Variants in SLC35A1 observed in about 807,000 individuals in gnomAD.
The protein encoded by SLC35A1 is CMP-sialic acid transporter.
SLC35A1 carries 21 observed loss-of-function variants against 40.3 expected under a neutral mutation model. That is an observed-to-expected ratio of 0.52 (90% CI 0.37 to 0.75). SLC35A1 has a LOEUF of 0.75. SLC35A1 is among the 30% of genes least tolerant of loss of function. SLC35A1 has a pLI of 0.00. For missense variants in SLC35A1, 297 were observed against 382.1 expected (o/e 0.78, Z 1.86); for synonymous variants, 146 against 147.3 (o/e 0.99, Z 0.06).
chr6:87,495,737 G>A (rs527873926), intron 2 of SLC35A1, among the ~76,000 whole-genome samples: 92 of 151,472 alleles, frequency 6.1e-4, no homozygotes, highest in South Asian at 2.7e-3. Context: ...CTCACTGCAA[G>A]CTGTGCCTCC....
At chr6:87,479,363 A>G (rs567989426) in intron 2 of SLC35A1, among the ~76,000 whole-genome samples, 10 of 152,332 alleles carry the variant, frequency 6.6e-5, no homozygotes, top group Admixed American at 5.9e-4. Flanking sequence ...ACCAACCCAC[A>G]GATGCATGGT....
intron 2 of SLC35A1, among the ~76,000 whole-genome samples, chr6:87,490,547 T>A (rs1246047118): frequency 6.6e-6 from 1 of 152,068 alleles, no homozygotes; most frequent in Non-Finnish European, 1.5e-5. Flanking sequence ...TTGGCCAGGC[T>A]GGTCTCGAAC....
At chr6:87,499,932 A>G (rs1021116227) in intron 2 of SLC35A1, among the ~76,000 whole-genome samples, 6 of 152,106 alleles carry the variant, frequency 3.9e-5, no homozygotes, top group Non-Finnish European at 8.8e-5. Flanking sequence ...CCTGGCCAAC[A>G]ATACTAAAAA....
chr6:87,496,478 T>C (rs1769728337), intron 2 of SLC35A1, among the ~76,000 whole-genome samples: 1 of 152,014 alleles, frequency 6.6e-6, no homozygotes, highest in South Asian at 2.1e-4. Context: ...GTGATTTGAT[T>C]TCTAAGAAAG....
chr6:87,479,149 T>C (rs944003482), intron 2 of SLC35A1, among the ~76,000 whole-genome samples: 1 of 152,232 alleles, frequency 6.6e-6, no homozygotes, highest in Admixed American at 6.5e-5. Flanking sequence ...ACTGACATAC[T>C]GATTCTTCGA....
intron 4 of SLC35A1, among the ~76,000 whole-genome samples, chr6:87,504,325 C>T (rs1770015586): frequency 6.6e-6 from 1 of 151,354 alleles, no homozygotes; most frequent in Admixed American, 6.6e-5. Flanking sequence ...TTGCAAGCCT[C>T]CACTTATTCT....
intron 2 of SLC35A1, among the ~76,000 whole-genome samples, chr6:87,492,158 G>T (rs1769572139): frequency 1.3e-5 from 2 of 151,990 alleles, no homozygotes; most frequent in African/African-American, 4.8e-5. Context: ...TAAAATTATC[G>T]AAATTGAGAC....
chr6:87,478,583 C>T (rs940632990), intron 2 of SLC35A1, among the ~76,000 whole-genome samples: 2 of 152,150 alleles, frequency 1.3e-5, no homozygotes, highest in African/African-American at 4.8e-5. Context: ...ATTGCTTCAG[C>T]TTCAGCAGTG....
intron 2 of SLC35A1, among the ~76,000 whole-genome samples, chr6:87,486,424 C>T (rs988404388): frequency 2.0e-5 from 3 of 152,088 alleles, no homozygotes; most frequent in Non-Finnish European, 4.4e-5. Context: ...GTCAGGTTCA[C>T]GCATTCATTT....
intron 1 of SLC35A1, among the ~76,000 whole-genome samples, chr6:87,475,264 A>G (rs6906734): frequency 6.6e-6 from 1 of 152,180 alleles, no homozygotes; most frequent in African/African-American, 2.4e-5. Context: ...ATTTTTTATC[A>G]ACCATTTAAA....
intron 2 of SLC35A1, among the ~76,000 whole-genome samples, chr6:87,494,243 A>G (rs1769648203): frequency 6.6e-6 from 1 of 152,176 alleles, no homozygotes; most frequent in Admixed American, 6.5e-5. Context: ...TTCTACTCCA[A>G]CACAAAGATG....
intron 2 of SLC35A1, among the ~76,000 whole-genome samples, chr6:87,490,893 G>C (rs151072494): frequency 5.3e-5 from 8 of 152,178 alleles, no homozygotes; most frequent in Admixed American, 5.2e-4. Context: ...TTGTCAAAAT[G>C]TGTTATGTAA....
chr6:87,503,994 T>C (rs1465820253), intron 4 of SLC35A1, among the ~76,000 whole-genome samples: 1 of 152,218 alleles, frequency 6.6e-6, no homozygotes, highest in Non-Finnish European at 1.5e-5. Flanking sequence ...CTAAATGCTT[T>C]ATATACACTA....
chr6:87,473,883 A>G (rs550436377), intron 1 of SLC35A1, among the ~76,000 whole-genome samples: 1 of 152,360 alleles, frequency 6.6e-6, no homozygotes, highest in East Asian at 1.9e-4. Context: ...TTGAATAAAT[A>G]TTGAACGAAT....
intron 2 of SLC35A1, among the ~76,000 whole-genome samples, chr6:87,486,762 C>A (rs762498712): frequency 6.6e-6 from 1 of 152,074 alleles, no homozygotes; most frequent in Non-Finnish European, 1.5e-5. Flanking sequence ...GTTTGAAATC[C>A]CTGAGGCAGA....
chr6:87,488,868 C>T (rs1769462510), intron 2 of SLC35A1, among the ~76,000 whole-genome samples: 1 of 152,160 alleles, frequency 6.6e-6, no homozygotes, highest in Admixed American at 6.5e-5. Flanking sequence ...AATGAAATGC[C>T]AGTCTCTTTT....
intron 5 of SLC35A1, among the ~76,000 whole-genome samples, chr6:87,507,921 T>C (rs1770138014): frequency 6.7e-6 from 1 of 150,170 alleles, no homozygotes; most frequent in Non-Finnish European, 1.5e-5. Context: ...GAAAATGGCT[T>C]TACACAGCAA....
chr6:87,499,870 CT>C (rs1231852052), intron 2 of SLC35A1, among the ~76,000 whole-genome samples: 1 of 152,130 alleles, frequency 6.6e-6, no homozygotes, highest in Non-Finnish European at 1.5e-5. Context: ...AATCCCAGTA[CT>C]TTGGGAGGCC....
At chr6:87,480,445 A>G (rs1045332949) in intron 2 of SLC35A1, among the ~76,000 whole-genome samples, 4 of 152,350 alleles carry the variant, frequency 2.6e-5, no homozygotes, top group African/African-American at 9.6e-5. Flanking sequence ...TGAATGGAAT[A>G]TTTAATACAT....
Sources: allele counts gnomAD v4.1 joint callset (sites outside exome capture counted in the v4.1 genomes callset), GRCh38; gene constraint gnomAD v4.1.1; transcripts MANE v1.5; gene names NCBI Gene and HGNC (gene_info 2026-07-23, HGNC 2026-07-21).